Variants in ANO4 observed in about 807,000 individuals in gnomAD.
ANO4 encodes anoctamin-4.
Under a neutral mutation model 141.9 loss-of-function variants are expected in ANO4, and 69 were observed. The observed-to-expected ratio is 0.49, with a 90% CI of 0.40 to 0.59. The LOEUF (loss-of-function observed/expected upper bound fraction) is 0.59. Among genes scored for constraint, ANO4 ranks in the 20% least tolerant of loss-of-function variants. ANO4 has a pLI of 0.00. For missense variants in ANO4, 894 were observed against 1,162.2 expected, an observed-to-expected ratio of 0.77 and a Z score of 3.36; for synonymous variants, 350 against 394.3, an observed-to-expected ratio of 0.89 and a Z score of 1.33.
intron 23 of ANO4, 26 bp from the exon 24 acceptor site, chr12:101,111,537 C>A: frequency 6.4e-7 from 1 of 1,571,554 alleles, no homozygotes; most frequent in East Asian, 2.3e-5. Context: ...GTGTATGGAA[C>A]TAACACAACA....
intron 3 of ANO4, among the ~76,000 whole-genome samples, chr12:100,762,975 G>A (rs2032939480): frequency 6.6e-6 from 1 of 152,140 alleles, no homozygotes; most frequent in African/African-American, 2.4e-5. Flanking sequence ...AGTACTAGAT[G>A]AGATATTGGT....
chr12:100,893,794 C>T (rs370623650), intron 1 of ANO4, among the ~76,000 whole-genome samples: 1 of 151,984 alleles, frequency 6.6e-6, no homozygotes, highest in Admixed American at 6.5e-5. Flanking sequence ...GAAATGAAGT[C>T]CTGATAGAAT....
At chr12:100,988,314 C>G (rs1307753715) in intron 8 of ANO4, among the ~76,000 whole-genome samples, 4 of 152,026 alleles carry the variant, frequency 2.6e-5, no homozygotes, top group Non-Finnish European at 5.9e-5. Flanking sequence ...TCTGAGATGA[C>G]AAGAAATGAT....
chr12:100,775,268 A>G (rs1336417833), intron 3 of ANO4, among the ~76,000 whole-genome samples: 1 of 152,200 alleles, frequency 6.6e-6, no homozygotes, highest in Admixed American at 6.5e-5. Context: ...CTAGAAGTGT[A>G]CCTCCTTGAA....
At chr12:100,930,795 G>A (rs79885386) in intron 3 of ANO4, among the ~76,000 whole-genome samples, 12,513 of 152,140 alleles carry the variant, frequency 0.082, 667 homozygotes, top group African/African-American at 0.13. Context: ...GCAGTAAAAT[G>A]TATTTTTCCC....
At chr12:101,054,188 G>A (rs532115968) in intron 14 of ANO4, among the ~76,000 whole-genome samples, 1 of 148,680 alleles carries the variant, frequency 6.7e-6, no homozygotes, top group East Asian at 2.0e-4. Context: ...ATTATAAGCA[G>A]CTATTATAAA....
chr12:101,073,621 G>A (rs1169013204), intron 14 of ANO4, among the ~76,000 whole-genome samples: 2 of 142,752 alleles, frequency 1.4e-5, no homozygotes, highest in Non-Finnish European at 3.1e-5. Context: ...GGTGTGGCCT[G>A]AAGAACATTC....
At chr12:101,055,475 T>TA (rs2048078313) in intron 14 of ANO4, among the ~76,000 whole-genome samples, 1 of 152,248 alleles carries the variant, frequency 6.6e-6, no homozygotes, top group Non-Finnish European at 1.5e-5. Flanking sequence ...CTGCACATCT[T>TA]ACTTGGTGAA....
At chr12:100,745,399 C>T (rs764732807) in intron 3 of ANO4, among the ~76,000 whole-genome samples, 1 of 152,156 alleles carries the variant, frequency 6.6e-6, no homozygotes, top group Non-Finnish European at 1.5e-5. Flanking sequence ...TTATTGTACT[C>T]CAATACAGTT....
rs11110605 is a variant in ANO4 at position 100,971,519 on chromosome 12, G to C, written c.557+113G>C. On this transcript the variant is annotated intron_variant, in intron 6 of 27. Coordinates refer to ENST00000392977, the MANE Select transcript of ANO4 (RefSeq NM_001286615.2). ...TGCAGATTGGAAGGCCATTAGAGGAGGGAATCTTTCAAATGTTTAGGATAT... is the reference window on the plus strand; with the variant it reads ...TGCAGATTGGAAGGCCATTAGAGGACGGAATCTTTCAAATGTTTAGGATAT... 3 of 646,720 alleles carry C rather than the reference G, an allele frequency of 4.6e-6. No homozygotes were observed. The East Asian group carries it at 8.7e-5, about 19-fold the overall frequency. 40.1% of individuals were successfully genotyped at this position (646,720 alleles called of 1,614,324 possible).
intron 8 of ANO4, among the ~76,000 whole-genome samples, chr12:100,998,935 G>A (rs1418038375): frequency 6.6e-6 from 1 of 152,210 alleles, no homozygotes; most frequent in East Asian, 1.9e-4. Context: ...AGTCCTGTGA[G>A]TAAGGTATCG....
chr12:100,905,998 AAGAG>A (rs1172536176), intron 2 of ANO4, among the ~76,000 whole-genome samples: 1 of 152,156 alleles, frequency 6.6e-6, no homozygotes, highest in Non-Finnish European at 1.5e-5. Flanking sequence ...CACAGGGAGA[AAGAG>A]AGAGAGAAAG....
At position 101,105,309 on chromosome 12, in the gene ANO4, C is replaced by T. The variant is rs112101746; in HGVS notation, c.2150-5095C>T. On this transcript the variant is annotated intron_variant, in intron 22 of 27. Coordinates refer to ENST00000392977, the MANE Select transcript of ANO4 (RefSeq NM_001286615.2). ...ATTCTTTCTTTATGGTAGAAAAGAA[C>T]ATCACTGAAAGCGGAGTATCACAAA... Among the ~76,000 whole-genome samples, 989 of 152,286 alleles carry T rather than the reference C, an allele frequency of 6.5e-3. 15 individuals carry two copies. Among genetic ancestry groups the T allele is most frequent in the African/African-American group, 0.023 (941 of 41,550 alleles).
chr12:101,019,203 A>G (rs2046425029), intron 8 of ANO4, among the ~76,000 whole-genome samples: 1 of 152,126 alleles, frequency 6.6e-6, no homozygotes, highest in Non-Finnish European at 1.5e-5. Flanking sequence ...AAACTTTATA[A>G]TTTATGAAGG....
intron 10 of ANO4, among the ~76,000 whole-genome samples, chr12:101,039,549 C>T (rs1477598910): frequency 6.6e-6 from 1 of 152,126 alleles, no homozygotes; most frequent in Non-Finnish European, 1.5e-5. Flanking sequence ...GGGAAGAGAA[C>T]TAATAAGCCT....
chr12:101,097,669 T>C lies in ANO4; in HGVS notation c.1869T>C (p.Gly623=). Residue 623 remains glycine (G), a synonymous_variant, in exon 20 of 28, where the codon GGT becomes GGC. Transcript: ENST00000392977. ...GTTGAAGATTTACAGGACACCCAGG[T>C]GCCTACTTGAGGCTGATAAACAGGT... The part of the protein sequence containing the change: ...FFLGRFTGHP[G]AYLRLINRWR... The C allele has an allele frequency of 6.2e-7, 1 of 1,613,846 alleles. No individual in the cohort carries two copies. The highest frequency in any genetic ancestry group is 1.1e-5 in the South Asian group (1 of 91,082).
At chr12:100,898,132 G>C (rs970252031) in intron 1 of ANO4, among the ~76,000 whole-genome samples, 6 of 152,200 alleles carry the variant, frequency 3.9e-5, no homozygotes, top group Admixed American at 3.3e-4. Flanking sequence ...AGGCTCTTAT[G>C]GTTGTGATGA....
At position 100,755,197 on chromosome 12, in the gene ANO4, T is replaced by C. The variant is rs116577437; in HGVS notation, c.358+15092T>C. Among the ~76,000 whole-genome samples the C allele has an allele frequency of 9.1e-4, 139 of 152,310 alleles. 1 individual carries two copies. The highest frequency in any genetic ancestry group is 3.3e-3 in the African/African-American group (136 of 41,580). ...GCCTATCTTTTTAGCTCTGTTGCTC[T>C]CAAGCATCCTGCATTCCAGCTCTTC... On this transcript the variant is annotated intron_variant, in intron 3 of 29. Transcript: ENST00000644049.
At chr12:100,791,228 A>G (rs2034035828), upstream of ANO4, among the ~76,000 whole-genome samples, 1 of 151,986 alleles carries the variant, frequency 6.6e-6, no homozygotes, top group Admixed American at 6.5e-5. Context: ...CAATACAGAA[A>G]ATTAGCCGGG....
Sources: gnomAD v4.1 joint callset for allele counts (sites outside exome capture counted in the v4.1 genomes callset) on GRCh38, gnomAD v4.1.1 for gene constraint, MANE v1.5 for transcripts, NCBI Gene and HGNC (gene_info 2026-07-23, HGNC 2026-07-21) for gene names.